The following HAGH variants were observed in gnomAD, a reference collection of about 807,000 sequenced individuals.
HAGH encodes the protein hydroxyacylglutathione hydrolase, also known as hydroxyacylglutathione hydrolase, mitochondrial.
HAGH carries 29 observed loss-of-function variants against 35.1 expected under a neutral mutation model. The ratio of observed to expected loss-of-function variants is 0.83; its 90% CI spans 0.62 to 1.13. The LOEUF is 1.13. Ranked by LOEUF, HAGH falls within the 50% of genes most tolerant of loss-of-function variation. The pLI, the probability that HAGH is intolerant of heterozygous loss-of-function variation, is 0.00. For synonymous variants in HAGH, 225 were observed against 176.1 expected, an observed-to-expected ratio of 1.28 and a Z score of -2.20; for missense variants, 478 against 419.6, an observed-to-expected ratio of 1.14 and a Z score of -1.22.
intron 5 of HAGH, among the ~76,000 whole-genome samples, chr16:1,817,715 G>A (rs367674179): frequency 5.9e-5 from 9 of 152,128 alleles, no homozygotes; most frequent in African/African-American, 1.9e-4. Context: ...GGCGGAAGAT[G>A]CGGCCCACAC....
chr16:1,812,916 C>T (rs1167308818), intron 7 of HAGH, among the ~76,000 whole-genome samples: 2 of 152,170 alleles, frequency 1.3e-5, no homozygotes, highest in African/African-American at 4.8e-5. Flanking sequence ...AAGACACGGA[C>T]CAGCTGGTGT....
Position 1,822,434 on chromosome 16 carries a change from G to A in HAGH, c.250-70C>T, listed in dbSNP as rs191088272. ...GCCTGGCTTGCTGGCCTATATGGTA[G>A]GGTGCCCAGCAGAACCCAGGACACG... On this transcript the variant is annotated intron_variant, in intron 2 of 8. Transcript: ENST00000397356. 6.6e-4 allele frequency: 784 copies of A among 1,195,214 alleles called. 3 individuals are homozygous for A. The African/African-American group carries it at 9.8e-3, about 15-fold the overall frequency. The allele number at this position is 1,195,214 out of a possible 1,614,324, so 74.0% of individuals were successfully genotyped here. A position where few individuals can be genotyped will look rare whatever the true frequency, so the allele number is the denominator to read the frequency against.
chr16:1,826,530 C>CCCGCGCCCGCT (rs1451437958), intron 1 of HAGH, 182 bp downstream of exon 1: 4 of 981,508 alleles, frequency 4.1e-6, no homozygotes, highest in Admixed American at 6.2e-5. Context: ...CACCCGCGGC[C>CCCGCGCCCGCT]CCGCGCCCGC....
Position 1,809,086 on chromosome 16 carries a change from C to T in HAGH, c.*197G>A. The T allele has an allele frequency of 1.8e-6, 1 of 542,398 alleles. No individual in the cohort carries two copies. 33.6% of individuals were successfully genotyped at this position (542,398 alleles called of 1,614,324 possible). Reference sequence around the variant, plus strand: ...CAGAGGCCTAAAGGCCAGAAGAAAACAGTCTGCAAGGGGAAGTTATGGGAA... The same window carrying T: ...CAGAGGCCTAAAGGCCAGAAGAAAATAGTCTGCAAGGGGAAGTTATGGGAA... On this transcript the variant is annotated 3_prime_UTR_variant, in exon 9 of 9. Transcript: ENST00000397356.
chr16:1,817,222 C>A lies in HAGH; in HGVS notation c.591G>T (p.Ala197=). Residue 197 remains alanine, a synonymous_variant, in exon 6 of 9, where the codon GCG becomes GCT. Transcript: ENST00000397356. ...CCAGCAGAGCTTTACACATCTCATC[C>A]GCAGTCCCTTCATAGAACTTCCCGC... ...AGCGKFYEGT[A]DEMCKALLEV... The A allele has an allele frequency of 6.2e-7, 1 of 1,613,682 alleles. No individual in the cohort carries two copies. The highest frequency in any genetic ancestry group is 1.1e-5 in the South Asian group (1 of 91,074).
At chr16:1,816,026 T>C (rs1433269477) in intron 7 of HAGH, among the ~76,000 whole-genome samples, 5 of 138,682 alleles carry the variant, frequency 3.6e-5, no homozygotes, top group Admixed American at 3.0e-4. Context: ...CTGCAACCTC[T>C]GCCTCCTGGG....
At chr16:1,822,813 G>T (rs1218632236) in intron 2 of HAGH, 52 bp downstream of exon 2, 5 of 1,504,390 alleles carry the variant, frequency 3.3e-6, no homozygotes, top group Non-Finnish European at 4.6e-6. Flanking sequence ...CGGGGGTGAG[G>T]ACTCCGAGCT....
intron 5 of HAGH, chr16:1,818,844 CT>C: frequency 2.2e-6 from 1 of 463,256 alleles, no homozygotes; most frequent in Non-Finnish European, 3.9e-6. Context: ...AAACTGACTC[CT>C]TTCCCGTGGG....
At chr16:1,812,088 A>G (rs9928484) in intron 7 of HAGH, among the ~76,000 whole-genome samples, 125,991 of 151,310 alleles carry the variant, frequency 0.83, 52,551 homozygotes, top group Middle Eastern at 0.89. Context: ...GGTACGGGAG[A>G]CTGAGGCAGC....
At chr16:1,822,212 T>TG in intron 3 of HAGH, 88 bp downstream of exon 3, 2 of 812,150 alleles carry the variant, frequency 2.5e-6, no homozygotes, top group East Asian at 2.7e-5. Context: ...GACAGAGCCG[T>TG]GGGGGGAGAC....
chr16:1,809,736 ACCTG>A lies in HAGH; in HGVS notation c.827+14_827+17del. The A allele has an allele frequency of 6.3e-7, 1 of 1,582,790 alleles. No homozygotes were observed. The highest frequency in any genetic ancestry group is 8.7e-7 in the Non-Finnish European group (1 of 1,151,494). On this transcript the variant is annotated intron_variant, in intron 8 of 8. Coordinates refer to ENST00000397356, the MANE Select transcript of HAGH (RefSeq NM_005326.6). ...CAGAGGGGAGGGGCCCGCGCCCACC[ACCTG>A]CCCTGGGCCTCACCTCACTCTCATG...
chr16:1,816,958 G>T lies in HAGH; in HGVS notation c.682C>A (p.Leu228Ile). The part of the protein sequence containing the change: ...YCGHEYTINN[L>I]KFARHVEPGN... ...GGCTCCACGTGGCGTGCAAACTTGA[G>T]GTTGTTGATGGTGTACTCGTGGCCA... Residue 228 changes from leucine to isoleucine, a missense_variant, in exon 7 of 9, where the codon CTC becomes ATC. Physicochemically the swap from Leu to Ile is conservative, Grantham distance 5. Coordinates refer to ENST00000397356, the MANE Select transcript of HAGH (RefSeq NM_005326.6). 6.2e-7 allele frequency: 1 copy of T among 1,613,676 alleles called. No homozygotes were observed. The highest frequency in any genetic ancestry group is 8.5e-7 in the Non-Finnish European group (1 of 1,179,584).
chr16:1,808,196 C>T lies in HAGH; in HGVS notation c.*1087G>A, dbSNP rs887122791. ...AAGCAATGCTCACTGCAGCCTTGGA[C>T]TCCCGGGCTCAAGCGATCCTCCTGC... On this transcript the variant is annotated 3_prime_UTR_variant, in exon 9 of 9. Coordinates refer to ENST00000397356, the MANE Select transcript of HAGH (RefSeq NM_005326.6). 18 of 152,282 alleles carry T rather than the reference C, an allele frequency of 1.2e-4. No homozygotes were observed. The highest frequency in any genetic ancestry group is 4.3e-4 in the African/African-American group (18 of 41,462). The allele number at this position is 152,282 out of a possible 1,614,324, so 9.4% of individuals were successfully genotyped here.
At chr16:1,817,815 G>A (rs550920965) in intron 5 of HAGH, among the ~76,000 whole-genome samples, 2 of 152,208 alleles carry the variant, frequency 1.3e-5, no homozygotes, top group Non-Finnish European at 2.9e-5. Flanking sequence ...CTCTGTCCCC[G>A]CTTGCCCTCC....
At position 1,809,281 on chromosome 16, in the gene HAGH, C is replaced by G. The variant is rs749277085; in HGVS notation, c.*2G>C. ...CAAATCCGCTGAAGGTGCAGGGCGG[C>G]CTCAGTCCCGGGGCATCTTGAACTG... On this transcript the variant is annotated 3_prime_UTR_variant, in exon 9 of 9. Transcript: ENST00000397356. 42 of 1,597,132 alleles carry G rather than the reference C, an allele frequency of 2.6e-5. No homozygotes were observed. The highest frequency in any genetic ancestry group is 1.7e-4 in the Middle Eastern group (1 of 6,012).
At chr16:1,809,646 C>T in intron 8 of HAGH, 108 bp downstream of exon 8, 1 of 859,400 alleles carries the variant, frequency 1.2e-6, no homozygotes, top group Non-Finnish European at 1.9e-6. Context: ...GTGACAGCTC[C>T]CCAAGGCAGC....
At chr16:1,822,021 A>C in intron 3 of HAGH, 1 of 376,972 alleles carries the variant, frequency 2.7e-6, no homozygotes, top group Non-Finnish European at 4.8e-6. Context: ...CCAACGTGCC[A>C]GGGCACAAAC....
chr16:1,809,488 A>G, intron 8 of HAGH, 106 bp from the exon 9 acceptor site: 1 of 900,504 alleles, frequency 1.1e-6, no homozygotes, highest in East Asian at 2.5e-5. Context: ...CCCAGCCCTC[A>G]GAGGACACGG....
At chr16:1,811,491 T>TC (rs34207703) in intron 7 of HAGH, among the ~76,000 whole-genome samples, 114,341 of 151,184 alleles carry the variant, frequency 0.76, 43,287 homozygotes, top group Middle Eastern at 0.83. Context: ...GGCAGGTGGA[T>TC]CACCTGAGGT....
Sources: allele counts gnomAD v4.1 joint callset (sites outside exome capture counted in the v4.1 genomes callset), GRCh38; gene constraint gnomAD v4.1.1; transcripts MANE v1.5; gene names NCBI Gene and HGNC (gene_info 2026-07-23, HGNC 2026-07-21).